Variants in KCNMA1 observed in about 807,000 individuals in gnomAD.
KCNMA1 encodes Calcium-activated potassium channel subunit alpha-1.
Under a neutral mutation model 140.0 loss-of-function variants are expected in KCNMA1, and 29 were observed. That is an observed-to-expected ratio of 0.21 (90% CI 0.15 to 0.28). KCNMA1 has a LOEUF of 0.28. Ranked by LOEUF, KCNMA1 falls within the 10% of genes least tolerant of loss-of-function variation. The pLI, the probability that KCNMA1 is intolerant of heterozygous loss-of-function variation, is 1.00. For synonymous variants in KCNMA1, 612 were observed against 611.9 expected (o/e 1.00, Z 0.00); for missense variants, 880 against 1,602.2 (o/e 0.55, Z 7.70).
intron 2 of KCNMA1, among the ~76,000 whole-genome samples, chr10:77,314,648 A>G (rs1427650323): frequency 6.6e-6 from 1 of 152,050 alleles, no homozygotes. Context: ...GTGTGGCATG[A>G]AGACCATCAC....
chr10:77,486,085 A>G (rs1466282906), intron 1 of KCNMA1, among the ~76,000 whole-genome samples: 3 of 152,194 alleles, frequency 2.0e-5, no homozygotes, highest in Non-Finnish European at 4.4e-5. Flanking sequence ...AGATAGAGAT[A>G]ATGATAAGCC....
chr10:77,433,922 C>T (rs554077935), intron 1 of KCNMA1: 3 of 152,304 alleles, frequency 2.0e-5, no homozygotes, highest in South Asian at 4.1e-4. Context: ...CTAATGGTCC[C>T]GAGGCTGATT....
At chr10:77,212,771 G>A (rs1170386985) in intron 3 of KCNMA1, among the ~76,000 whole-genome samples, 2 of 151,974 alleles carry the variant, frequency 1.3e-5, no homozygotes, top group African/African-American at 4.8e-5. Flanking sequence ...TCTGCTTCAA[G>A]GCACAGCCAA....
At chr10:77,001,359 C>A in intron 19 of KCNMA1, 48 bp downstream of exon 19, 1 of 1,513,510 alleles carries the variant, frequency 6.6e-7, no homozygotes, top group South Asian at 1.2e-5. Flanking sequence ...AGGGATGATA[C>A]CACAGACAGC....
chr10:77,497,136 T>C (rs1161830805), intron 1 of KCNMA1, among the ~76,000 whole-genome samples: 1 of 152,192 alleles, frequency 6.6e-6, no homozygotes, highest in Non-Finnish European at 1.5e-5. Context: ...CACTGGCTTT[T>C]TGTCTGAGCT....
intron 1 of KCNMA1, among the ~76,000 whole-genome samples, chr10:77,470,950 T>C (rs921955619): frequency 2.6e-5 from 4 of 152,066 alleles, no homozygotes; most frequent in Admixed American, 1.3e-4. Context: ...CCTCCTGCCC[T>C]CAGAGAGGCA....
chr10:76,970,394 CTTAGAG>C (rs1455386219), intron 19 of KCNMA1: 3 of 293,324 alleles, frequency 1.0e-5, no homozygotes, highest in Non-Finnish European at 2.0e-5. Flanking sequence ...TATCATTATT[CTTAGAG>C]TTAATTTTGG....
At chr10:77,274,207 C>A (rs116400803) in intron 2 of KCNMA1, among the ~76,000 whole-genome samples, 1 of 152,094 alleles carries the variant, frequency 6.6e-6, no homozygotes, top group Non-Finnish European at 1.5e-5. Flanking sequence ...CCAGATATGG[C>A]CAGCCAGAAT....
intron 5 of KCNMA1, among the ~76,000 whole-genome samples, chr10:77,154,110 A>G (rs1001250607): frequency 6.6e-6 from 1 of 152,082 alleles, no homozygotes; most frequent in African/African-American, 2.4e-5. Context: ...GTAAGTCTCA[A>G]GAAAGCTGAT....
At chr10:77,528,661 GTTCAT>G (rs59550661) in intron 1 of KCNMA1, among the ~76,000 whole-genome samples, 32,286 of 151,284 alleles carry the variant, frequency 0.21, 5,052 homozygotes, top group East Asian at 0.58. Flanking sequence ...GTACACAAGT[GTTCAT>G]AGCAGCACTA....
chr10:77,578,858 G>A (rs1477367250), intron 1 of KCNMA1, among the ~76,000 whole-genome samples: 1 of 152,196 alleles, frequency 6.6e-6, no homozygotes, highest in African/African-American at 2.4e-5. Flanking sequence ...ATCTCCCACT[G>A]GGATGTGAGC....
At chr10:76,929,448 T>C (rs973231565) in intron 23 of KCNMA1, among the ~76,000 whole-genome samples, 5 of 152,232 alleles carry the variant, frequency 3.3e-5, no homozygotes, top group Admixed American at 6.5e-5. Flanking sequence ...GGGAACCATG[T>C]GGAAGTTTGT....
intron 8 of KCNMA1, 25 bp downstream of exon 8, chr10:77,110,148 C>T: frequency 6.3e-7 from 1 of 1,589,526 alleles, no homozygotes; most frequent in Non-Finnish European, 8.6e-7. Context: ...TCAAAATCAA[C>T]ATCATAATAA....
At chr10:77,339,166 G>C (rs1281346169) in intron 2 of KCNMA1, among the ~76,000 whole-genome samples, 2 of 151,034 alleles carry the variant, frequency 1.3e-5, no homozygotes, top group African/African-American at 2.4e-5. Context: ...AGCTCCATAG[G>C]TATGCAATAA....
chr10:76,876,467 T>A (rs2032405701), downstream of KCNMA1: 6 of 152,654 alleles, frequency 3.9e-5, no homozygotes, highest in African/African-American at 1.4e-4. Context: ...CGTAATTGCA[T>A]CTGATGGCTA....
Position 77,570,179 on chromosome 10 carries a change from C to T in KCNMA1, c.378+67086G>A, listed in dbSNP as rs368617700. On this transcript the variant is annotated intron_variant, in intron 1 of 27. Transcript: ENST00000286628. ...TCAACCATTGCGGAAGTCAGTGTGG[C>T]GATTCCTCAGGGATCTAGAACTAGA... Among the ~76,000 whole-genome samples, 28 of 149,738 alleles carry T rather than the reference C, an allele frequency of 1.9e-4. No individual in the cohort carries two copies. In the South Asian group the frequency reaches 3.6e-3, roughly 19 times the overall value.
chr10:77,411,053 A>C (rs2096608106), intron 1 of KCNMA1, among the ~76,000 whole-genome samples: 1 of 152,162 alleles, frequency 6.6e-6, no homozygotes, highest in South Asian at 2.1e-4. Context: ...CCCAGGCTGG[A>C]GTGCAGTGGC....
At chr10:76,923,842 C>G (rs1564935507) in intron 23 of KCNMA1, among the ~76,000 whole-genome samples, 1 of 149,774 alleles carries the variant, frequency 6.7e-6, no homozygotes, top group Non-Finnish European at 1.5e-5. Context: ...AACAAACAAA[C>G]AAACACAAAA....
Position 77,108,601 on chromosome 10 carries a change from T to G in KCNMA1, c.1132-29A>C. ...AGAAGATAGGAGACAGAAGAGAGAC[T>G]AAAAAGACAGGCCAAAGAAAAGGGG... On this transcript the variant is annotated intron_variant, in intron 8 of 27. Transcript: ENST00000286628. This position sits in a 1 kb window ranked among gnomAD's most constrained non-coding sequence, Gnocchi z 4.6. 1 of 1,562,444 alleles carries G rather than the reference T, an allele frequency of 6.4e-7. No individual in the cohort carries two copies. Among genetic ancestry groups the G allele is most frequent in the Non-Finnish European group, 8.8e-7 (1 of 1,135,364 alleles).
Sources: gnomAD v4.1 joint callset for allele counts (sites outside exome capture counted in the v4.1 genomes callset) on GRCh38, gnomAD v4.1.1 for gene constraint, Gnocchi (gnomAD v3.1) non-coding constraint, MANE v1.5 for transcripts, NCBI Gene and HGNC (gene_info 2026-07-23, HGNC 2026-07-21) for gene names.